FILIP1: variants seen among roughly 807,000 people sequenced by gnomAD.
The protein encoded by FILIP1 is filamin A interacting protein 1.
A neutral mutation model predicts 102.1 loss-of-function variants in FILIP1; 61 were observed. The observed-to-expected ratio is 0.60, with a 90% CI of 0.49 to 0.74. FILIP1 has a LOEUF of 0.74. FILIP1 is among the 30% of genes least tolerant of loss of function. The probability of loss-of-function intolerance (pLI) is 0.00; values close to 1 mark genes in which losing one functional copy is unlikely to be tolerated. For missense variants in FILIP1, 1,314 were observed against 1,441.2 expected, an observed-to-expected ratio of 0.91 and a Z score of 1.43; for synonymous variants, 491 against 526.9, an observed-to-expected ratio of 0.93 and a Z score of 0.93.
chr6:75,375,877 G>T (rs1055085944), intron 2 of FILIP1, among the ~76,000 whole-genome samples: 4 of 152,020 alleles, frequency 2.6e-5, no homozygotes, highest in African/African-American at 4.8e-5. Context: ...TGAATTTTTT[G>T]AACAAAAATG....
chr6:75,492,837 T>C (rs1328922016), intron 1 of FILIP1, among the ~76,000 whole-genome samples: 2 of 152,230 alleles, frequency 1.3e-5, no homozygotes, highest in African/African-American at 4.8e-5. Context: ...ACCAGGCATA[T>C]TTTATGCCCA....
At chr6:75,396,386 T>C (rs1331133237) in intron 2 of FILIP1, among the ~76,000 whole-genome samples, 1 of 151,918 alleles carries the variant, frequency 6.6e-6, no homozygotes, top group Non-Finnish European at 1.5e-5. Context: ...CAATAAACCA[T>C]GTGAGCGGTG....
chr6:75,326,771 T>C (rs951645471), intron 4 of FILIP1, among the ~76,000 whole-genome samples: 2 of 152,228 alleles, frequency 1.3e-5, no homozygotes, highest in Non-Finnish European at 2.9e-5. Context: ...TTCATAACAA[T>C]GCTATTGCTC....
intron 2 of FILIP1, among the ~76,000 whole-genome samples, chr6:75,368,741 T>C (rs1279440819): frequency 6.6e-6 from 1 of 152,170 alleles, no homozygotes; most frequent in Admixed American, 6.5e-5. Flanking sequence ...ATGCATGGGA[T>C]GGTGCAATAT....
chr6:75,457,987 C>G (rs2149745612), intron 1 of FILIP1, among the ~76,000 whole-genome samples: 1 of 152,248 alleles, frequency 6.6e-6, no homozygotes, highest in Non-Finnish European at 1.5e-5. Flanking sequence ...ACCCACCCCA[C>G]CAATAAGGCT....
chr6:75,441,861 C>A (rs1362171169), intron 1 of FILIP1, among the ~76,000 whole-genome samples: 1 of 125,990 alleles, frequency 7.9e-6, no homozygotes, highest in South Asian at 2.6e-4. Flanking sequence ...CCCTCCCGGA[C>A]GGGGCAGCTG....
At chr6:75,358,643 CATT>C (rs1322979834) in intron 3 of FILIP1, 4 of 152,182 alleles carry the variant, frequency 2.6e-5, no homozygotes, top group Admixed American at 6.5e-5. Flanking sequence ...ACATCTGAAG[CATT>C]ATTTGGTGAA....
intron 2 of FILIP1, among the ~76,000 whole-genome samples, chr6:75,405,639 T>C (rs1776818386): frequency 6.6e-6 from 1 of 152,120 alleles, no homozygotes; most frequent in African/African-American, 2.4e-5. Context: ...TGAGTGCACT[T>C]GACAAGGGAG....
At chr6:75,319,724 G>T (rs1773577966) in intron 4 of FILIP1, 3 of 325,502 alleles carry the variant, frequency 9.2e-6, no homozygotes, top group Non-Finnish European at 1.8e-5. Context: ...CAGCTACTGC[G>T]GAGGCTGAGG....
intron 2 of FILIP1, among the ~76,000 whole-genome samples, chr6:75,396,685 A>G (rs1359338945): frequency 1.3e-5 from 2 of 152,060 alleles, no homozygotes; most frequent in African/African-American, 2.4e-5. Context: ...GGATCTTAAT[A>G]ATCACCTGTG....
At chr6:75,484,249 G>A (rs1779722839) in intron 1 of FILIP1, among the ~76,000 whole-genome samples, 2 of 152,108 alleles carry the variant, frequency 1.3e-5, no homozygotes, top group East Asian at 3.9e-4. Context: ...GCAAGGTGTA[G>A]AAAGTACCCA....
chr6:75,441,784 C>T (rs1273183384), intron 1 of FILIP1, among the ~76,000 whole-genome samples: 4 of 141,920 alleles, frequency 2.8e-5, no homozygotes, highest in South Asian at 2.2e-4. Flanking sequence ...TAGGGGCAGC[C>T]GGGCAGAGGT....
chr6:75,433,813 T>A (rs1345871534), intron 1 of FILIP1, among the ~76,000 whole-genome samples: 1 of 152,252 alleles, frequency 6.6e-6, no homozygotes, highest in Non-Finnish European at 1.5e-5. Context: ...AGGGTTTTTA[T>A]GGTTTTAGGT....
intron 1 of FILIP1, among the ~76,000 whole-genome samples, chr6:75,422,319 G>C (rs1342651584): frequency 6.6e-6 from 1 of 152,034 alleles, no homozygotes; most frequent in East Asian, 1.9e-4. Flanking sequence ...GATTATGAAA[G>C]TTCTTTTGTT....
intron 5 of FILIP1, among the ~76,000 whole-genome samples, chr6:75,310,337 C>A (rs1331926756): frequency 1.3e-5 from 2 of 152,246 alleles, no homozygotes; most frequent in Non-Finnish European, 2.9e-5. Flanking sequence ...CCTGTCTATT[C>A]CACTGAGTCA....
intron 1 of FILIP1, among the ~76,000 whole-genome samples, chr6:75,434,158 T>C (rs1777932742): frequency 6.6e-6 from 1 of 152,178 alleles, no homozygotes; most frequent in Admixed American, 6.5e-5. Context: ...CTTAGGATTG[T>C]CTTGGCAATG....
At chr6:75,395,413 G>T (rs1159508413) in intron 2 of FILIP1, among the ~76,000 whole-genome samples, 1 of 152,024 alleles carries the variant, frequency 6.6e-6, no homozygotes, top group Non-Finnish European at 1.5e-5. Flanking sequence ...CTGAGTAACT[G>T]GGATTACAGG....
At chr6:75,453,402 A>G (rs1778705663) in intron 1 of FILIP1, among the ~76,000 whole-genome samples, 1 of 152,224 alleles carries the variant, frequency 6.6e-6, no homozygotes, top group Non-Finnish European at 1.5e-5. Flanking sequence ...GTTGGATAAT[A>G]TTTAAAATTC....
intron 1 of FILIP1, among the ~76,000 whole-genome samples, chr6:75,441,653 C>T (rs1778240973): frequency 1.4e-5 from 2 of 145,566 alleles, no homozygotes; most frequent in Admixed American, 6.7e-5. Flanking sequence ...GCTGGCCGGG[C>T]GGGGGGCTGA....
Sources: allele counts gnomAD v4.1 joint callset (sites outside exome capture counted in the v4.1 genomes callset), GRCh38; gene constraint gnomAD v4.1.1; transcripts MANE v1.5; gene names NCBI Gene and HGNC (gene_info 2026-07-23, HGNC 2026-07-21).